SETD3: variants seen among roughly 807,000 people sequenced by gnomAD.
SETD3 encodes the protein actin-histidine N-methyltransferase.
A neutral mutation model predicts 63.0 loss-of-function variants in SETD3; 19 were observed. That is an observed-to-expected ratio of 0.30 (90% CI 0.21 to 0.44). The LOEUF (loss-of-function observed/expected upper bound fraction) is 0.44, where lower values mean the gene tolerates loss of function less well. SETD3 is among the 20% of genes least tolerant of loss of function. The pLI is 1.00. For missense variants in SETD3, 587 were observed against 728.5 expected, an observed-to-expected ratio of 0.81 and a Z score of 2.24; for synonymous variants, 286 against 264.1, an observed-to-expected ratio of 1.08 and a Z score of -0.80.
chr14:99,476,680 T>C (rs1895988725), intron 1 of SETD3, among the ~76,000 whole-genome samples: 1 of 152,246 alleles, frequency 6.6e-6, no homozygotes, highest in Non-Finnish European at 1.5e-5. Context: ...CAAATATGTG[T>C]AATAGAAAAC....
At chr14:99,413,131 A>G in intron 7 of SETD3, 66 bp from the exon 8 acceptor site, 1 of 894,660 alleles carries the variant, frequency 1.1e-6, no homozygotes, top group Non-Finnish European at 1.8e-6. Flanking sequence ...AAGAAATAAC[A>G]TAACCAAAAA....
chr14:99,444,136 C>T (rs1023867886), intron 6 of SETD3, among the ~76,000 whole-genome samples: 3 of 152,294 alleles, frequency 2.0e-5, no homozygotes, highest in Non-Finnish European at 2.9e-5. Flanking sequence ...GGGTCCACTG[C>T]ATCCCACAAA....
In SETD3 at chr14:99,469,889, C is replaced by A. The variant is rs141116729; in HGVS notation, c.-8-4076G>T. On this transcript the variant is annotated intron_variant, in intron 1 of 12. Transcript: ENST00000331768. ...CGAACCCTTTCACAACCAGTCCTTC[C>A]CCCAGTAGCCCACATTTCAACTTCT... Among the ~76,000 whole-genome samples, 888 of 152,344 alleles carry A rather than the reference C, an allele frequency of 5.8e-3. 6 individuals carry two copies. Among genetic ancestry groups the A allele is most frequent in the African/African-American group, 0.02 (847 of 41,574 alleles).
At chr14:99,403,455 A>ACACTCTCTCTCTCTCT (rs1416541957) in intron 11 of SETD3, among the ~76,000 whole-genome samples, 1 of 135,456 alleles carries the variant, frequency 7.4e-6, no homozygotes, top group African/African-American at 3.0e-5. Flanking sequence ...ACACACACAC[A>ACACTCTCTCTCTCTCT]CTCTCTCTCT....
intron 5 of SETD3, 25 bp from the exon 6 acceptor site, chr14:99,458,560 C>T (rs374752747): frequency 1.2e-5 from 19 of 1,588,272 alleles, no homozygotes; most frequent in Non-Finnish European, 1.5e-5. Flanking sequence ...AAGTTAACAG[C>T]GTAAGTTCCA....
At chr14:99,402,702 G>C (rs1156349321) in intron 11 of SETD3, among the ~76,000 whole-genome samples, 1 of 152,142 alleles carries the variant, frequency 6.6e-6, no homozygotes, top group African/African-American at 2.4e-5. Flanking sequence ...TCAGCCTCCC[G>C]AGTAGCTGGG....
intron 6 of SETD3, among the ~76,000 whole-genome samples, chr14:99,438,181 C>G (rs1300134989): frequency 6.6e-6 from 1 of 152,208 alleles, no homozygotes; most frequent in Non-Finnish European, 1.5e-5. Context: ...AAATTGAAAT[C>G]TGCTCTTTCT....
chr14:99,440,509 C>T (rs1893740649), intron 6 of SETD3, among the ~76,000 whole-genome samples: 1 of 152,152 alleles, frequency 6.6e-6, no homozygotes, highest in Admixed American at 6.5e-5. Flanking sequence ...GTGTCTACAT[C>T]ATGCGCAGGG....
chr14:99,458,549 G>A lies in SETD3; in HGVS notation c.419-14C>T. On this transcript the variant is annotated splice_polypyrimidine_tract_variant and intron_variant, in intron 5 of 12. Transcript: ENST00000331768. ...AATATAAGGGCCCTGAATTAACCCA[G>A]AAGTTAACAGCGTAAGTTCCACAAA... 1 of 1,605,612 alleles carries A rather than the reference G, an allele frequency of 6.2e-7. No individual in the cohort carries two copies. The highest frequency in any genetic ancestry group is 8.5e-7 in the Non-Finnish European group (1 of 1,175,802).
chr14:99,465,933 A>G (rs1895346665), intron 1 of SETD3, 120 bp from the exon 2 acceptor site: 1 of 582,544 alleles, frequency 1.7e-6, no homozygotes, highest in East Asian at 3.0e-5. Flanking sequence ...CTTACCTTAC[A>G]TGAAGTTTTC....
chr14:99,457,283 C>T (rs1894813648), intron 6 of SETD3, among the ~76,000 whole-genome samples: 1 of 152,330 alleles, frequency 6.6e-6, no homozygotes, highest in Middle Eastern at 3.4e-3. Context: ...TGATTGATTT[C>T]CACATGAAGA....
intron 6 of SETD3, 21 bp downstream of exon 6, chr14:99,458,258 A>G (rs763455317): frequency 1.2e-6 from 2 of 1,602,074 alleles, no homozygotes; most frequent in South Asian, 1.1e-5. Context: ...ATATATACTT[A>G]AATTGCAAAC....
Position 99,458,553 on chromosome 14 carries a change from TTAAC to T in SETD3, c.419-22_419-19del. On this transcript the variant is annotated intron_variant, in intron 5 of 12. Coordinates refer to ENST00000331768, the MANE Select transcript of SETD3 (RefSeq NM_032233.3). ...TAAGGGCCCTGAATTAACCCAGAAG[TTAAC>T]AGCGTAAGTTCCACAAACTTCTTAA... 1 of 1,603,950 alleles carries T rather than the reference TTAAC, an allele frequency of 6.2e-7. No homozygotes were observed. Among genetic ancestry groups the T allele is most frequent in the Non-Finnish European group, 8.5e-7 (1 of 1,175,018 alleles).
At position 99,438,963 on chromosome 14, in the gene SETD3, T is replaced by C. The variant is rs578196509; in HGVS notation, c.675+19316A>G. Among the ~76,000 whole-genome samples the C allele has an allele frequency of 2.0e-5, 3 of 152,364 alleles. No individual in the cohort carries two copies. The East Asian group carries it at 5.8e-4, about 29-fold the overall frequency. On this transcript the variant is annotated intron_variant, in intron 6 of 12. Coordinates refer to ENST00000331768, the MANE Select transcript of SETD3 (RefSeq NM_032233.3). ...AGAATGATTGTACTTAAAAAACATA[T>C]TTATATTCATGATAGCTCAGCTACA...
At chr14:99,412,158 T>C (rs1892028507) in intron 8 of SETD3, 1 of 152,346 alleles carries the variant, frequency 6.6e-6, no homozygotes, top group Admixed American at 6.5e-5. Flanking sequence ...TGTATCTTAT[T>C]TCTGCCTACT....
intron 6 of SETD3, among the ~76,000 whole-genome samples, chr14:99,454,737 C>T (rs1484587529): frequency 1.5e-5 from 2 of 137,746 alleles, no homozygotes; most frequent in East Asian, 2.2e-4. Flanking sequence ...AAGGAAGGCG[C>T]GGAGACCGGC....
chr14:99,434,943 A>C lies in SETD3; in HGVS notation c.676-21009T>G, dbSNP rs116364855. 4.1e-3 allele frequency among the ~76,000 whole-genome samples: 616 copies of C among 151,760 alleles called. 3 individuals are homozygous for C. The highest frequency in any genetic ancestry group is 0.013 in the African/African-American group (554 of 41,412). On this transcript the variant is annotated intron_variant, in intron 6 of 12. Transcript: ENST00000331768. ...TAAATCTCAATTTTTAAAAAATTAA[A>C]AGTTGACAGAAAACTCCCCAAACTG...
At chr14:99,430,269 GAGA>G (rs1437984653) in intron 6 of SETD3, among the ~76,000 whole-genome samples, 1 of 152,180 alleles carries the variant, frequency 6.6e-6, no homozygotes, top group East Asian at 1.9e-4. Flanking sequence ...TGAAGTCTGG[GAGA>G]AGCTGAATTT....
intron 6 of SETD3, among the ~76,000 whole-genome samples, chr14:99,450,399 G>A (rs1894392700): frequency 6.6e-6 from 1 of 152,206 alleles, no homozygotes; most frequent in African/African-American, 2.4e-5. Context: ...AGCAGAAAAT[G>A]TTTGTATTTA....
Sources: gnomAD v4.1 joint callset for allele counts (sites outside exome capture counted in the v4.1 genomes callset) on GRCh38, gnomAD v4.1.1 for gene constraint, MANE v1.5 for transcripts, NCBI Gene and HGNC (gene_info 2026-07-23, HGNC 2026-07-21) for gene names.